The following SPIDR variants were observed in gnomAD, a reference collection of about 807,000 sequenced individuals.
The protein encoded by SPIDR is DNA repair-scaffolding protein.
Under a neutral mutation model 104.6 loss-of-function variants are expected in SPIDR, and 93 were observed. The ratio of observed to expected loss-of-function variants is 0.89; its 90% confidence interval spans 0.75 to 1.06. The LOEUF (loss-of-function observed/expected upper bound fraction) is 1.06, where lower values mean the gene tolerates loss of function less well. Ranked by LOEUF, SPIDR falls within the 50% of genes least tolerant of loss-of-function variation. The probability of loss-of-function intolerance (pLI) is 0.00; values close to 1 mark genes in which losing one functional copy is unlikely to be tolerated. For synonymous variants in SPIDR, 431 were observed against 416.9 expected (o/e 1.03, Z -0.41); for missense variants, 1,154 against 1,111.2 (o/e 1.04, Z -0.55).
intron 8 of SPIDR, among the ~76,000 whole-genome samples, chr8:47,463,130 A>C (rs1280022392): frequency 6.6e-6 from 1 of 152,080 alleles, no homozygotes; most frequent in African/African-American, 2.4e-5. Flanking sequence ...AGGCTGAGGC[A>C]AGCGGATCAT....
chr8:47,288,022 C>G (rs2039192195), intron 3 of SPIDR, among the ~76,000 whole-genome samples: 1 of 152,104 alleles, frequency 6.6e-6, no homozygotes, highest in Admixed American at 6.5e-5. Flanking sequence ...TGATATATGT[C>G]CATATTAAAA....
intron 5 of SPIDR, among the ~76,000 whole-genome samples, chr8:47,378,055 A>G (rs7824929): frequency 0.053 from 8,040 of 152,248 alleles, 712 homozygotes; most frequent in African/African-American, 0.18. Context: ...CAAGATAAAC[A>G]TTGTTTTGTT....
intron 8 of SPIDR, among the ~76,000 whole-genome samples, chr8:47,594,290 A>C (rs1311160399): frequency 3.3e-5 from 5 of 150,872 alleles, no homozygotes; most frequent in African/African-American, 9.8e-5. Context: ...TGGGAGAATC[A>C]CTTGAACTTG....
Position 47,439,365 on chromosome 8 carries a change from A to T in SPIDR, c.878-958A>T, listed in dbSNP as rs72646331. Among the ~76,000 whole-genome samples, 587 of 152,300 alleles carry T rather than the reference A, an allele frequency of 3.9e-3. 4 individuals are homozygous for T. Among genetic ancestry groups the T allele is most frequent in the Admixed American group, 6.7e-3 (103 of 15,304 alleles). ...TTTCTGTGTTTTTTAAAATTACATT[A>T]TAGGTGTCATACTCTGTATATCCTG... On this transcript the variant is annotated intron_variant, in intron 7 of 19. Coordinates refer to ENST00000297423, the MANE Select transcript of SPIDR (RefSeq NM_001080394.4).
chr8:47,536,227 TTTGTAGATTCAGTG>T (rs2086892535), intron 8 of SPIDR, among the ~76,000 whole-genome samples: 1 of 152,170 alleles, frequency 6.6e-6, no homozygotes, highest in Non-Finnish European at 1.5e-5. Context: ...CCCAACTTGA[TTTGTAGATTCAGTG>T]TAATTCCAAT....
At chr8:47,452,480 C>T (rs1023902752) in intron 8 of SPIDR, among the ~76,000 whole-genome samples, 9 of 152,100 alleles carry the variant, frequency 5.9e-5, no homozygotes, top group East Asian at 5.8e-4. Context: ...ACTGGCAAAC[C>T]GAATCCAGCA....
intron 5 of SPIDR, among the ~76,000 whole-genome samples, chr8:47,393,472 G>A (rs1260131051): frequency 1.3e-5 from 2 of 152,060 alleles, no homozygotes; most frequent in African/African-American, 2.4e-5. Flanking sequence ...TGGCTCCTGC[G>A]TCAAGCTGTC....
chr8:47,549,201 G>A (rs1362652351), intron 8 of SPIDR, among the ~76,000 whole-genome samples: 1 of 152,106 alleles, frequency 6.6e-6, no homozygotes, highest in Non-Finnish European at 1.5e-5. Context: ...CCAAGTCTTT[G>A]CTATTGTGAA....
chr8:47,595,944 A>G lies in SPIDR; in HGVS notation c.1231A>G (p.Ser411Gly). Residue 411 changes from serine to glycine, a missense_variant, in exon 9 of 20, where the codon AGC (serine) becomes GGC (glycine). Transcript: ENST00000297423. ...YCPDIPLPRR[S>G]ISLAQMFVIK... is the part of the protein sequence containing the mutation. ...TCCGGACATACCCCTTCCAAGAAGA[A>G]GCATCTCTTTGGCCCAGATGTTTGT... The G allele has an allele frequency of 6.2e-7, 1 of 1,614,170 alleles. No homozygotes were observed. Among genetic ancestry groups the G allele is most frequent in the African/African-American group, 1.3e-5 (1 of 75,040 alleles).
chr8:47,326,062 C>G (rs2047610328), intron 5 of SPIDR, among the ~76,000 whole-genome samples: 1 of 152,160 alleles, frequency 6.6e-6, no homozygotes, highest in Non-Finnish European at 1.5e-5. Flanking sequence ...TGTGATCTCA[C>G]AGCTCACTGC....
chr8:47,289,259 C>T (rs2039459874), intron 3 of SPIDR, among the ~76,000 whole-genome samples: 2 of 151,970 alleles, frequency 1.3e-5, no homozygotes, highest in Non-Finnish European at 2.9e-5. Context: ...TTTACTGTAT[C>T]AGAGGGGTTC....
At chr8:47,410,649 GA>G (rs1353713469) in intron 7 of SPIDR, among the ~76,000 whole-genome samples, 2 of 151,750 alleles carry the variant, frequency 1.3e-5, no homozygotes, top group Non-Finnish European at 2.9e-5. Flanking sequence ...TTATTATTTA[GA>G]GAAGTCTTTT....
At chr8:47,348,260 A>T (rs2052599754) in intron 5 of SPIDR, among the ~76,000 whole-genome samples, 1 of 152,220 alleles carries the variant, frequency 6.6e-6, no homozygotes, top group South Asian at 2.1e-4. Flanking sequence ...TTCTTTAAGA[A>T]TGTTGAATAT....
chr8:47,670,288 TG>T (rs1209761362), intron 10 of SPIDR, among the ~76,000 whole-genome samples: 1 of 152,112 alleles, frequency 6.6e-6, no homozygotes, highest in Admixed American at 6.5e-5. Flanking sequence ...GGCCTTTAAA[TG>T]GTGTATATAC....
At chr8:47,719,493 A>G (rs2083076730) in intron 16 of SPIDR, among the ~76,000 whole-genome samples, 1 of 151,878 alleles carries the variant, frequency 6.6e-6, no homozygotes, top group Admixed American at 6.6e-5. Flanking sequence ...TGGGCGACAG[A>G]GCGAGACTCC....
In SPIDR at chr8:47,306,064, C is replaced by A. The variant is rs1554581128; in HGVS notation, c.525+12034C>A. 1.2e-3 allele frequency among the ~76,000 whole-genome samples: 189 copies of A among 152,324 alleles called. 1 individual carries two copies. Among genetic ancestry groups the A allele is most frequent in the Non-Finnish European group, 2.2e-3 (152 of 68,034 alleles). On this transcript the variant is annotated intron_variant, in intron 5 of 19. Transcript: ENST00000297423. Reference sequence around the variant, plus strand: ...TGTAATTACCTCATATGAATAGAATCATACAGTATTTGTTTTTCTGTGACT... The same window carrying A: ...TGTAATTACCTCATATGAATAGAATAATACAGTATTTGTTTTTCTGTGACT...
chr8:47,682,107 C>G (rs2077163183), intron 11 of SPIDR, among the ~76,000 whole-genome samples: 1 of 151,680 alleles, frequency 6.6e-6, no homozygotes, highest in Non-Finnish European at 1.5e-5. Context: ...CCAATGCAAA[C>G]AGAGAGAACT....
intron 8 of SPIDR, among the ~76,000 whole-genome samples, chr8:47,458,380 ATTTTATTTT>A (rs2073380517): frequency 2.0e-5 from 3 of 146,552 alleles, no homozygotes; most frequent in African/African-American, 7.7e-5. Context: ...ATTTTATTTT[ATTTTATTTT>A]ATTGCAGCTA....
At chr8:47,379,886 T>C (rs1211297951) in intron 5 of SPIDR, among the ~76,000 whole-genome samples, 1 of 152,176 alleles carries the variant, frequency 6.6e-6, no homozygotes, top group African/African-American at 2.4e-5. Flanking sequence ...TGGTTACTGC[T>C]TTTGCTTTTC....
Sources: allele counts gnomAD v4.1 joint callset (sites outside exome capture counted in the v4.1 genomes callset), GRCh38; gene constraint gnomAD v4.1.1; transcripts MANE v1.5; gene names NCBI Gene and HGNC (gene_info 2026-07-23, HGNC 2026-07-21).